Variants in CPS1 observed in about 807,000 individuals in gnomAD.
CPS1 encodes carbamoyl-phosphate synthase 1.
In CPS1, 109 loss-of-function variants were observed where a neutral mutation model predicts 174.6. The observed-to-expected ratio is 0.62, with a 90% CI of 0.53 to 0.73. CPS1 has a LOEUF of 0.73. Among genes scored for constraint, CPS1 ranks in the 30% least tolerant of loss-of-function variants. The pLI, the probability that CPS1 is intolerant of heterozygous loss-of-function variation, is 0.00. For synonymous variants in CPS1, 637 were observed against 632.0 expected (o/e 1.01, Z -0.12); for missense variants, 1,689 against 1,821.9 (o/e 0.93, Z 1.33).
chr2:210,556,724 A>AGTC lies in CPS1; in HGVS notation c.-10_-9insGTC. 1.3e-6 allele frequency: 2 copies of AGTC among 1,545,534 alleles called. No individual in the cohort carries two copies. Among genetic ancestry groups the AGTC allele is most frequent in the Non-Finnish European group, 8.7e-7 (1 of 1,145,040 alleles). ...GTAATTTCATTTAATTTTAGCCACA[A>AGTC]ATCATCAAAATGACGAGGATTTTGA... is the stretch of plus-strand genomic sequence containing the variant. On this transcript the variant is annotated 5_prime_UTR_variant, in exon 1 of 38. Transcript: ENST00000233072.
At chr2:210,607,415 T>G (rs1574585046) in intron 18 of CPS1, among the ~76,000 whole-genome samples, 1 of 151,960 alleles carries the variant, frequency 6.6e-6, no homozygotes, top group Non-Finnish European at 1.5e-5. Flanking sequence ...CACAAGTAAC[T>G]GTTACAACCA....
chr2:210,677,002 T>C lies in CPS1; in HGVS notation c.4275-5T>C. The C allele has an allele frequency of 6.2e-7, 1 of 1,613,206 alleles. No individual in the cohort carries two copies. ...TTGTCTATAAGTTTTTGTTTATTTT[T>C]CCAGATTGATTAGAGATGGCAGCAT... On this transcript the variant is annotated splice_polypyrimidine_tract_variant and splice_region_variant and intron_variant, in intron 36 of 37. Coordinates refer to ENST00000233072, the MANE Select transcript of CPS1 (RefSeq NM_001875.5).
At chr2:210,645,875 A>C (rs528160053) in intron 25 of CPS1, among the ~76,000 whole-genome samples, 2 of 152,316 alleles carry the variant, frequency 1.3e-5, no homozygotes, top group African/African-American at 4.8e-5. Context: ...TCACCTCAGA[A>C]GGATAGTGTG....
At position 210,582,599 on chromosome 2, in the gene CPS1, A is replaced by AT. The variant is rs749791771; in HGVS notation, c.529-11dup. On this transcript the variant is annotated splice_polypyrimidine_tract_variant and intron_variant, in intron 5 of 37. Transcript: ENST00000233072. ...ATCGTTGCTTCCTTTTAACTGTCTA[A>AT]TTTTTTTAATTTGATAGGGTACCAT... 1.7e-5 allele frequency: 27 copies of AT among 1,598,722 alleles called. No individual in the cohort carries two copies. Among genetic ancestry groups the AT allele is most frequent in the African/African-American group, 1.5e-4 (11 of 74,520 alleles).
chr2:210,650,417 A>G lies in CPS1; in HGVS notation c.3459A>G (p.Glu1153=). 2 of 1,612,874 alleles carry G rather than the reference A, an allele frequency of 1.2e-6. No homozygotes were observed. The highest frequency in any genetic ancestry group is 1.1e-5 in the South Asian group (1 of 91,058). Residue 1153 remains glutamate (E), a synonymous_variant, in exon 28 of 38, where the codon GAA becomes GAG. Coordinates refer to ENST00000233072, the MANE Select transcript of CPS1 (RefSeq NM_001875.5). Reference sequence around the variant, plus strand: ...AGGATGAGATGAAAAAATTCCTAGAAGAGGCGACTAGAGTTTCTCAGGTAG... The same window carrying G: ...AGGATGAGATGAAAAAATTCCTAGAGGAGGCGACTAGAGTTTCTCAGGTAG... ...FSEDEMKKFL[E]EATRVSQEHP...
At chr2:210,555,542 T>C, upstream of CPS1, 1 of 446,302 alleles carries the variant, frequency 2.2e-6, no homozygotes, top group Non-Finnish European at 4.5e-6. Flanking sequence ...AAATTAAACT[T>C]TGTTCCTCTT....
intron 20 of CPS1, among the ~76,000 whole-genome samples, chr2:210,614,248 T>A (rs570019446): frequency 3.1e-4 from 47 of 152,060 alleles, no homozygotes; most frequent in African/African-American, 1.1e-3. Context: ...ACTGGCAGGA[T>A]CTTGCTTGCT....
intron 21 of CPS1, among the ~76,000 whole-genome samples, chr2:210,635,219 A>G (rs546798186): frequency 6.6e-6 from 1 of 152,276 alleles, no homozygotes; most frequent in Non-Finnish European, 1.5e-5. Flanking sequence ...CTGGTATTAC[A>G]GGTGTGAGCC....
intron 1 of CPS1, among the ~76,000 whole-genome samples, chr2:210,546,498 C>T (rs961917687): frequency 2.0e-5 from 3 of 151,986 alleles, no homozygotes; most frequent in Non-Finnish European, 1.5e-5. Flanking sequence ...ATGATACAAA[C>T]AAGATATACA....
chr2:210,556,400 G>T (rs1247979197), upstream of CPS1: 1 of 503,464 alleles, frequency 2.0e-6, no homozygotes, highest in Non-Finnish European at 3.8e-6. Flanking sequence ...ATTCCATTCA[G>T]CTGCATAAAC....
intron 5 of CPS1, among the ~76,000 whole-genome samples, chr2:210,582,156 T>G (rs1184118012): frequency 2.6e-5 from 4 of 152,226 alleles, no homozygotes; most frequent in Non-Finnish European, 4.4e-5. Flanking sequence ...ATGTTGCATT[T>G]CATCTTCTTT....
chr2:210,506,765 G>A (rs939496358), intron 1 of CPS1, among the ~76,000 whole-genome samples: 18 of 152,340 alleles, frequency 1.2e-4, no homozygotes, highest in African/African-American at 4.3e-4. Context: ...TCAACTGGAA[G>A]AAAGGGTATC....
intron 17 of CPS1, 132 bp from the exon 18 acceptor site, chr2:210,606,599 C>G (rs371162302): frequency 2.4e-6 from 2 of 835,190 alleles, no homozygotes. Flanking sequence ...GGGGGAATAC[C>G]TGATATCACA....
At chr2:210,557,993 CAG>C (rs1491247581) in intron 1 of CPS1, among the ~76,000 whole-genome samples, 2 of 148,962 alleles carry the variant, frequency 1.3e-5, no homozygotes, top group East Asian at 2.0e-4. Context: ...GAGATGGAGA[CAG>C]GGGGAGGGGA....
At chr2:210,655,767 G>C (rs149664207) in intron 29 of CPS1, among the ~76,000 whole-genome samples, 2 of 152,136 alleles carry the variant, frequency 1.3e-5, no homozygotes, top group Admixed American at 6.5e-5. Context: ...GTTTTAAGAC[G>C]TTGCTAAATC....
chr2:210,659,217 A>G (rs1204415133), intron 31 of CPS1, among the ~76,000 whole-genome samples: 13 of 152,160 alleles, frequency 8.5e-5, no homozygotes, highest in Non-Finnish European at 5.9e-5. Flanking sequence ...TACTTGGCTT[A>G]TGATTCTGGT....
In CPS1 at chr2:210,493,749, C is replaced by T. The variant is rs917947608; in HGVS notation, c.3+15983C>T. 2.6e-5 allele frequency among the ~76,000 whole-genome samples: 4 copies of T among 152,256 alleles called. No homozygotes were observed. The South Asian group carries it at 8.3e-4, about 32-fold the overall frequency. On this transcript the variant is annotated intron_variant, in intron 1 of 38. Transcript: ENST00000430249. ...ACAAAGGAAGTTGTTGTTTTTCAGT[C>T]TGCTGTTGGTTTTACCTTTCCTGGC...
intron 37 of CPS1, 80 bp downstream of exon 37, chr2:210,677,216 C>T: frequency 1.5e-6 from 2 of 1,344,616 alleles, no homozygotes; most frequent in Non-Finnish European, 2.1e-6. Context: ...AGTAGATGCA[C>T]ATCTCTCTTT....
At chr2:210,568,907 A>G (rs1005835116) in intron 1 of CPS1, among the ~76,000 whole-genome samples, 4 of 152,170 alleles carry the variant, frequency 2.6e-5, no homozygotes, top group African/African-American at 9.6e-5. Flanking sequence ...TAATATTTTC[A>G]GAATTAAAAG....
Sources: gnomAD v4.1 joint callset for allele counts (sites outside exome capture counted in the v4.1 genomes callset) on GRCh38, gnomAD v4.1.1 for gene constraint, MANE v1.5 for transcripts, NCBI Gene and HGNC (gene_info 2026-07-23, HGNC 2026-07-21) for gene names.